Variants in NELL2 observed in about 807,000 individuals in gnomAD.
NELL2 encodes neural EGFL like 2, also known as protein kinase C-binding protein NELL2.
In NELL2, 41 loss-of-function variants were observed where a neutral mutation model predicts 109.6. The ratio of observed to expected loss-of-function variants is 0.37; its 90% CI spans 0.29 to 0.49. NELL2 has a LOEUF of 0.49. NELL2 is among the 20% of genes least tolerant of loss of function. NELL2 has a pLI of 0.98. For missense variants in NELL2, 900 were observed against 1,008.3 expected (o/e 0.89, Z 1.45); for synonymous variants, 355 against 344.7 (o/e 1.03, Z -0.33).
intron 15 of NELL2, among the ~76,000 whole-genome samples, chr12:44,540,482 G>C (rs1453290627): frequency 2.6e-5 from 4 of 152,054 alleles, no homozygotes; most frequent in Admixed American, 2.6e-4. Flanking sequence ...ATACCATGTA[G>C]AGCTGAGATG....
In NELL2 at chr12:44,819,575, C is replaced by A. The variant is rs775601512; in HGVS notation, c.185-3439G>T. 1.1e-4 allele frequency among the ~76,000 whole-genome samples: 16 copies of A among 152,066 alleles called. No individual in the cohort carries two copies. The South Asian group carries it at 1.2e-3, about 12-fold the overall frequency. ...TGCTTAACGAAGTGCTTAAGGAGACCCACACAGCAGAACCATCCTCCACCC... is the reference window on the plus strand; with the variant it reads ...TGCTTAACGAAGTGCTTAAGGAGACACACACAGCAGAACCATCCTCCACCC... On this transcript the variant is annotated intron_variant, in intron 2 of 19. Transcript: ENST00000429094.
At chr12:44,775,958 A>C in intron 8 of NELL2, 64 bp downstream of exon 8, 2 of 1,559,320 alleles carry the variant, frequency 1.3e-6, no homozygotes, top group Non-Finnish European at 1.7e-6. Context: ...ACATTGTTTT[A>C]ATAAATTTTT....
intron 15 of NELL2, among the ~76,000 whole-genome samples, chr12:44,572,279 C>G (rs776517842): frequency 6.6e-6 from 1 of 151,946 alleles, no homozygotes; most frequent in Non-Finnish European, 1.5e-5. Flanking sequence ...GTAGCTGGGA[C>G]TACATGTGTG....
chr12:44,906,925 T>C (rs1426548856), intron 1 of NELL2, among the ~76,000 whole-genome samples: 2 of 152,122 alleles, frequency 1.3e-5, no homozygotes, highest in Non-Finnish European at 2.9e-5. Context: ...CAGCCAAATC[T>C]CATCTTGAAT....
At chr12:44,829,148 G>A (rs767682376) in intron 2 of NELL2, among the ~76,000 whole-genome samples, 1 of 151,990 alleles carries the variant, frequency 6.6e-6, no homozygotes, top group African/African-American at 2.4e-5. Context: ...TACTGCTCAA[G>A]AATAAGATCA....
upstream of NELL2, among the ~76,000 whole-genome samples, chr12:44,879,157 T>A (rs774838016): frequency 9.2e-5 from 14 of 152,112 alleles, no homozygotes; most frequent in Admixed American, 2.6e-4. Context: ...AGACAAGGAA[T>A]ATGGGAGGCA....
intron 2 of NELL2, among the ~76,000 whole-genome samples, chr12:44,848,957 T>A (rs971709282): frequency 6.6e-6 from 1 of 152,188 alleles, no homozygotes; most frequent in Non-Finnish European, 1.5e-5. Context: ...CATAATCTCA[T>A]ATCTGGTTCA....
chr12:44,556,851 G>A (rs1335889372), intron 15 of NELL2, among the ~76,000 whole-genome samples: 2 of 152,170 alleles, frequency 1.3e-5, no homozygotes, highest in African/African-American at 2.4e-5. Context: ...ATGGGATGAC[G>A]ACAATGATGG....
At chr12:44,800,989 A>G (rs1942809198) in intron 3 of NELL2, among the ~76,000 whole-genome samples, 1 of 152,124 alleles carries the variant, frequency 6.6e-6, no homozygotes, top group African/African-American at 2.4e-5. Context: ...AGGCAACAGG[A>G]TTCATAGGCC....
At chr12:44,656,372 T>C (rs1433773655) in intron 13 of NELL2, among the ~76,000 whole-genome samples, 4 of 152,144 alleles carry the variant, frequency 2.6e-5, no homozygotes, top group Admixed American at 6.5e-5. Context: ...GAATAAACAA[T>C]AACACATTGA....
At chr12:44,915,160 C>T (rs73090906), upstream of NELL2, among the ~76,000 whole-genome samples, 9,191 of 152,202 alleles carry the variant, frequency 0.06, 380 homozygotes, top group Non-Finnish European at 0.093. Flanking sequence ...CAAAAAGAAA[C>T]TTTTAAGAGA....
chr12:44,767,481 TA>T (rs1941382062), intron 9 of NELL2, among the ~76,000 whole-genome samples: 2 of 152,120 alleles, frequency 1.3e-5, no homozygotes, highest in Admixed American at 1.3e-4. Flanking sequence ...CTGGCAATAT[TA>T]AAAGTGTCAT....
intron 15 of NELL2, among the ~76,000 whole-genome samples, chr12:44,576,861 C>T (rs1260900176): frequency 6.6e-6 from 1 of 150,600 alleles, no homozygotes; most frequent in African/African-American, 2.5e-5. Context: ...CACGTCCCTA[C>T]AAAGGACATG....
chr12:44,860,596 C>T (rs1169900370), intron 2 of NELL2, among the ~76,000 whole-genome samples: 4 of 152,132 alleles, frequency 2.6e-5, no homozygotes, highest in African/African-American at 7.2e-5. Context: ...CAGAGATGGC[C>T]AGTCAAGTCT....
In NELL2 at chr12:44,857,596, C is replaced by T. The variant is rs58800909; in HGVS notation, c.184+17629G>A. On this transcript the variant is annotated intron_variant, in intron 2 of 19. Transcript: ENST00000429094. ...GTTATCCAGACAGAGCCAGGTAAAACAATTGTGTCATTTGTTTTTCAGAAC... is the reference window on the plus strand; with the variant it reads ...GTTATCCAGACAGAGCCAGGTAAAATAATTGTGTCATTTGTTTTTCAGAAC... Among the ~76,000 whole-genome samples the T allele has an allele frequency of 7.2e-3, 1,095 of 152,200 alleles. 14 individuals are homozygous for T. The highest frequency in any genetic ancestry group is 0.025 in the African/African-American group (1,042 of 41,522).
At chr12:44,517,371 TTCTCTCTCTC>T (rs71093810) in intron 19 of NELL2, among the ~76,000 whole-genome samples, 7,258 of 102,472 alleles carry the variant, frequency 0.071, 454 homozygotes, top group African/African-American at 0.17. Context: ...ACCAACTACT[TTCTCTCTCTC>T]TCTCTCTCTC....
intron 12 of NELL2, among the ~76,000 whole-genome samples, chr12:44,670,206 C>G (rs11609932): frequency 0.16 from 25,066 of 151,990 alleles, 2,168 homozygotes; most frequent in East Asian, 0.21. Flanking sequence ...TGAAATAATT[C>G]ATCATCGTTA....
intron 3 of NELL2, among the ~76,000 whole-genome samples, chr12:44,790,624 G>A (rs1360522130): frequency 1.3e-5 from 2 of 150,562 alleles, no homozygotes; most frequent in Non-Finnish European, 1.5e-5. Context: ...AAGTACACAC[G>A]CAACAAAGAA....
chr12:44,527,908 C>T (rs970914067), intron 16 of NELL2, among the ~76,000 whole-genome samples: 3 of 151,740 alleles, frequency 2.0e-5, no homozygotes, highest in Non-Finnish European at 4.4e-5. Context: ...CTCTGGCTAA[C>T]ACGGTGAAAC....
Sources: gnomAD v4.1 joint callset for allele counts (sites outside exome capture counted in the v4.1 genomes callset) on GRCh38, gnomAD v4.1.1 for gene constraint, MANE v1.5 for transcripts, NCBI Gene and HGNC (gene_info 2026-07-23, HGNC 2026-07-21) for gene names.